RAG1: variants seen among roughly 807,000 people sequenced by gnomAD.
The protein encoded by RAG1 is recombination activating 1, also known as V(D)J recombination-activating protein 1.
A neutral mutation model predicts 62.7 loss-of-function variants in RAG1; 35 were observed. The ratio of observed to expected loss-of-function variants is 0.56; its 90% CI spans 0.43 to 0.74. The LOEUF (loss-of-function observed/expected upper bound fraction) is 0.74. Ranked by LOEUF, RAG1 falls within the 30% of genes least tolerant of loss-of-function variation. The probability of loss-of-function intolerance (pLI) is 0.00; values close to 1 mark genes in which losing one functional copy is unlikely to be tolerated. For synonymous variants in RAG1, 461 were observed against 470.3 expected (o/e 0.98, Z 0.26); for missense variants, 1,169 against 1,278.6 (o/e 0.91, Z 1.31).
chr11:36,541,249 T>C lies in RAG1; in HGVS notation c.-412+5215T>C, dbSNP rs1860413364. Among the ~76,000 whole-genome samples, 4 of 152,202 alleles carry C rather than the reference T, an allele frequency of 2.6e-5. No homozygotes were observed. In the South Asian group the frequency reaches 8.3e-4, roughly 31 times the overall value. On this transcript the variant is annotated intron_variant and NMD_transcript_variant, in intron 3 of 9. Transcript: ENST00000534663. ...GGCGTACTCCTGAATTGACTTTCCA[T>C]TGTCAGCTGATCAGTGACAGATGTG...
intron 3 of RAG1, among the ~76,000 whole-genome samples, chr11:36,544,859 C>T (rs747174721): frequency 6.6e-6 from 1 of 152,066 alleles, no homozygotes; most frequent in Non-Finnish European, 1.5e-5. Flanking sequence ...TGGCGGATCC[C>T]CCCTCGTTCT....
At chr11:36,511,177 C>A (rs901296879) in intron 1 of RAG1, 2 of 152,196 alleles carry the variant, frequency 1.3e-5, no homozygotes, top group Non-Finnish European at 2.9e-5. Flanking sequence ...TCTGGCCAGG[C>A]ACAAATAGGC....
chr11:36,521,348 G>A (rs1487968232), intron 2 of RAG1, among the ~76,000 whole-genome samples: 1 of 152,082 alleles, frequency 6.6e-6, no homozygotes, highest in African/African-American at 2.4e-5. Flanking sequence ...AGTCTTTCCT[G>A]TGCTGTTCTC....
At chr11:36,570,054 T>C (rs1310914709) in intron 1 of RAG1, among the ~76,000 whole-genome samples, 3 of 152,162 alleles carry the variant, frequency 2.0e-5, no homozygotes, top group Non-Finnish European at 4.4e-5. Flanking sequence ...ATAATGCCCT[T>C]TGGGTAATTA....
intron 2 of RAG1, among the ~76,000 whole-genome samples, chr11:36,534,017 T>C (rs1035191682): frequency 1.3e-5 from 2 of 152,130 alleles, no homozygotes; most frequent in Non-Finnish European, 2.9e-5. Flanking sequence ...TGTAGCATTA[T>C]AATTAGCTTT....
chr11:36,512,927 T>C (rs1402975206), intron 1 of RAG1, among the ~76,000 whole-genome samples: 1 of 152,236 alleles, frequency 6.6e-6, no homozygotes, highest in East Asian at 1.9e-4. Context: ...ATGCGTCCCC[T>C]AAATTTCATG....
At position 36,574,553 on chromosome 11, in the gene RAG1, C is replaced by T; in HGVS notation, c.1249C>T (p.Gln417Ter). The T allele has an allele frequency of 6.2e-7, 1 of 1,614,244 alleles. No individual in the cohort carries two copies. The highest frequency in any genetic ancestry group is 8.5e-7 in the Non-Finnish European group (1 of 1,180,042). The change falls in exon 2 of 2, where the codon CAA becomes TAA. Residue 417 changes from glutamine (Q) to a stop codon, truncating the protein, a stop_gained. Transcript: ENST00000299440. LOFTEE classifies it high-confidence loss of function. The stretch of plus-strand genomic sequence containing the variant: ...GCACCGGCTGAGGGAGCTCAAGCTG[C>T]AAGTCAAAGCCTTTGCTGACAAAGA... ...QKHRLRELKL[Q>*]VKAFADKEEG...
At chr11:36,540,486 G>A (rs1030888091), downstream of RAG1, among the ~76,000 whole-genome samples, 1 of 152,026 alleles carries the variant, frequency 6.6e-6, no homozygotes, top group African/African-American at 2.4e-5. Context: ...CTCACTGCAA[G>A]CTCCACCTCC....
chr11:36,568,363 A>G (rs141124967), intron 1 of RAG1, among the ~76,000 whole-genome samples: 1 of 152,336 alleles, frequency 6.6e-6, no homozygotes, highest in East Asian at 1.9e-4. Context: ...CTATTGTCAG[A>G]GGAAAGGTTT....
intron 2 of RAG1, among the ~76,000 whole-genome samples, chr11:36,531,822 C>A (rs565143011): frequency 1.3e-5 from 2 of 151,938 alleles, no homozygotes; most frequent in African/African-American, 4.8e-5. Flanking sequence ...ATGACGTGAG[C>A]TAGAAACTTT....
intron 3 of RAG1, among the ~76,000 whole-genome samples, chr11:36,562,745 G>C (rs970261288): frequency 6.6e-6 from 1 of 152,156 alleles, no homozygotes; most frequent in Non-Finnish European, 1.5e-5. Flanking sequence ...GCCATGGACT[G>C]GGTAGCTTAA....
intron 2 of RAG1, among the ~76,000 whole-genome samples, chr11:36,530,945 C>T (rs1425265199): frequency 6.6e-6 from 1 of 151,870 alleles, no homozygotes; most frequent in Non-Finnish European, 1.5e-5. Context: ...GTCTATTTCT[C>T]CTTTCAGTTT....
intron 3 of RAG1, among the ~76,000 whole-genome samples, chr11:36,562,832 G>T (rs2133282036): frequency 6.6e-6 from 1 of 152,276 alleles, no homozygotes; most frequent in East Asian, 1.9e-4. Flanking sequence ...ATTTATACCA[G>T]TGGTTTTCCT....
At chr11:36,533,577 T>C (rs1428559543) in intron 2 of RAG1, among the ~76,000 whole-genome samples, 1 of 150,470 alleles carries the variant, frequency 6.6e-6, no homozygotes, top group East Asian at 1.9e-4. Context: ...TAATGATAAT[T>C]TTGTCTCTTC....
At chr11:36,518,542 G>A (rs1417516412) in intron 1 of RAG1, among the ~76,000 whole-genome samples, 1 of 152,186 alleles carries the variant, frequency 6.6e-6, no homozygotes, top group Non-Finnish European at 1.5e-5. Context: ...TCTAACAGGT[G>A]TGAGATGGTA....
intron 1 of RAG1, among the ~76,000 whole-genome samples, chr11:36,519,624 A>G (rs1259794760): frequency 6.6e-6 from 1 of 152,228 alleles, no homozygotes; most frequent in Non-Finnish European, 1.5e-5. Context: ...GACTTTAAGA[A>G]GGATTCCTTC....
chr11:36,572,233 A>G (rs1365972524), intron 1 of RAG1, among the ~76,000 whole-genome samples: 2 of 152,246 alleles, frequency 1.3e-5, no homozygotes, highest in African/African-American at 4.8e-5. Flanking sequence ...TTGAAAATAC[A>G]GCTGCTCTCT....
In RAG1 at chr11:36,576,491, A is replaced by C; in HGVS notation, c.*55A>C. On this transcript the variant is annotated 3_prime_UTR_variant, in exon 2 of 2. Coordinates refer to ENST00000299440, the MANE Select transcript of RAG1 (RefSeq NM_000448.3). ...GCAATTGAGTTTCCCTCTGGGTTGC[A>C]TTGAGGGCTTCTCCTAGCACCCTTT... 1 of 1,597,352 alleles carries C rather than the reference A, an allele frequency of 6.3e-7. No individual in the cohort carries two copies. Among genetic ancestry groups the C allele is most frequent in the Non-Finnish European group, 8.6e-7 (1 of 1,165,746 alleles).
Position 36,578,540 on chromosome 11 carries a change from C to G in RAG1, c.*2104C>G, listed in dbSNP as rs1395448912. Reference sequence around the variant, plus strand: ...TATAGATTTTTTACCCATTTCTACTCTTTTTCTCTATTGGTGGCACTGTAA... The same window carrying G: ...TATAGATTTTTTACCCATTTCTACTGTTTTTCTCTATTGGTGGCACTGTAA... On this transcript the variant is annotated 3_prime_UTR_variant, in exon 2 of 2. Coordinates refer to ENST00000299440, the MANE Select transcript of RAG1 (RefSeq NM_000448.3). 2 of 166,830 alleles carry G rather than the reference C, an allele frequency of 1.2e-5. No homozygotes were observed. The highest frequency in any genetic ancestry group is 1.9e-4 in the East Asian group (1 of 5,184). 10.3% of individuals were successfully genotyped at this position (166,830 alleles called of 1,614,324 possible). A position where few individuals can be genotyped will look rare whatever the true frequency, so the allele number is the denominator to read the frequency against.
Sources: allele counts gnomAD v4.1 joint callset (sites outside exome capture counted in the v4.1 genomes callset), GRCh38; gene constraint gnomAD v4.1.1; transcripts MANE v1.5; gene names NCBI Gene and HGNC (gene_info 2026-07-23, HGNC 2026-07-21).